RPL18A: variants seen among roughly 807,000 people sequenced by gnomAD.
RPL18A encodes ribosomal protein L18a, also known as large ribosomal subunit protein eL20.
For missense variants in RPL18A, 163 were observed against 254.1 expected (o/e 0.64, Z 2.44); for synonymous variants, 122 against 96.9 (o/e 1.26, Z -1.52).
intron 3 of RPL18A, 85 bp from the exon 4 acceptor site, chr19:17,862,833 A>G: frequency 1.1e-6 from 1 of 890,480 alleles, no homozygotes; most frequent in South Asian, 1.3e-5. Flanking sequence ...AGGATGTGTC[A>G]GGTCATTGGG....
At chr19:17,862,277 C>T in intron 3 of RPL18A, 54 bp downstream of exon 3, 1 of 1,595,302 alleles carries the variant, frequency 6.3e-7, no homozygotes, top group South Asian at 1.1e-5. Context: ...CTCCCTCACA[C>T]TGAGGCAGGG....
intron 2 of RPL18A, 22 bp from the exon 3 acceptor site, chr19:17,862,072 C>A: frequency 6.2e-7 from 1 of 1,610,194 alleles, no homozygotes; most frequent in Non-Finnish European, 8.5e-7. Context: ...TCTCACATCT[C>A]CCTGTGGCCT....
At chr19:17,861,252 C>G in intron 1 of RPL18A, 41 bp from the exon 2 acceptor site, 1 of 1,592,794 alleles carries the variant, frequency 6.3e-7, no homozygotes, top group Non-Finnish European at 8.6e-7. Flanking sequence ...CCACAGTTGC[C>G]TCTGGGTGCT....
chr19:17,862,672 G>A (rs776632629), intron 3 of RPL18A: 8 of 751,076 alleles, frequency 1.1e-5, no homozygotes, highest in Non-Finnish European at 2.0e-5. Context: ...TGTCGCCTTT[G>A]GGGGGCTGTG....
chr19:17,862,819 C>A, intron 3 of RPL18A, 99 bp from the exon 4 acceptor site: 1 of 846,922 alleles, frequency 1.2e-6, no homozygotes, highest in Non-Finnish European at 2.0e-6. Flanking sequence ...TTGCTGTGAC[C>A]AACAGGATGT....
chr19:17,860,862 C>G, intron 1 of RPL18A: 1 of 187,732 alleles, frequency 5.3e-6, no homozygotes, highest in South Asian at 8.4e-5. Flanking sequence ...CTAGTTCTGC[C>G]TGGAATGGGC....
intron 4 of RPL18A, 27 bp from the exon 5 acceptor site, chr19:17,863,144 C>G: frequency 6.3e-7 from 1 of 1,596,512 alleles, no homozygotes; most frequent in Non-Finnish European, 8.6e-7. Flanking sequence ...GCTTCCAACC[C>G]CCTCAACATG....
At chr19:17,862,832 C>A in intron 3 of RPL18A, 86 bp from the exon 4 acceptor site, 1 of 888,924 alleles carries the variant, frequency 1.1e-6, no homozygotes, top group Non-Finnish European at 1.9e-6. Context: ...CAGGATGTGT[C>A]AGGTCATTGG....
chr19:17,862,132 G>T lies in RPL18A; in HGVS notation c.237G>T (p.Gly79=), dbSNP rs78185444. 9.9e-6 allele frequency: 16 copies of T among 1,612,306 alleles called. No individual in the cohort carries two copies. The highest frequency in any genetic ancestry group is 1.3e-5 in the Non-Finnish European group (15 of 1,179,994). The change falls in exon 3 of 5, where the codon GGG becomes GGT. Residue 79 remains glycine (G), a synonymous_variant. Transcript: ENST00000222247. ...EKSPLRVKNF[G]IWLRYDSRSG... ...CCCCCCTGCGGGTGAAGAACTTCGGGATCTGGCTGCGCTATGACTCCCGGA... is the reference window on the plus strand; with the variant it reads ...CCCCCCTGCGGGTGAAGAACTTCGGTATCTGGCTGCGCTATGACTCCCGGA...
At chr19:17,862,611 CTG>C in intron 3 of RPL18A, 1 of 712,502 alleles carries the variant, frequency 1.4e-6, no homozygotes, top group Non-Finnish European at 2.6e-6. Context: ...CCAAGAATCA[CTG>C]TTTCTTATAG....
chr19:17,862,843 G>A (rs2094279962), intron 3 of RPL18A, 75 bp from the exon 4 acceptor site: 1 of 967,444 alleles, frequency 1.0e-6, no homozygotes, highest in Non-Finnish European at 1.7e-6. Context: ...AGGTCATTGG[G>A]CAGGCACTCA....
Position 17,859,927 on chromosome 19 carries a change from G to A in RPL18A, c.-30G>A. 1 of 1,543,508 alleles carries A rather than the reference G, an allele frequency of 6.5e-7. No individual in the cohort carries two copies. Among genetic ancestry groups the A allele is most frequent in the Non-Finnish European group, 8.7e-7 (1 of 1,145,402 alleles). On this transcript the variant is annotated 5_prime_UTR_variant, in exon 1 of 5. Transcript: ENST00000222247. ...TGCGCGACAGAGGACACTTCCTTTTGCGGGTGGCGGCGAACGCGGAGAGCA... is the reference window on the plus strand; with the variant it reads ...TGCGCGACAGAGGACACTTCCTTTTACGGGTGGCGGCGAACGCGGAGAGCA...
chr19:17,860,296 C>T (rs527284249), intron 1 of RPL18A: 5 of 417,960 alleles, frequency 1.2e-5, no homozygotes, highest in South Asian at 8.6e-5. Flanking sequence ...GTTTTCCTTT[C>T]TGCAACGTGG....
At chr19:17,863,143 C>CCCCTCAACATGCCTCCCTTCCTCA in intron 4 of RPL18A, 28 bp from the exon 5 acceptor site, 1 of 1,593,250 alleles carries the variant, frequency 6.3e-7, no homozygotes, top group Non-Finnish European at 8.6e-7. Flanking sequence ...GGCTTCCAAC[C>CCCCTCAACATGCCTCCCTTCCTCA]CCCTCAACAT....
chr19:17,860,568 G>A (rs892298325), intron 1 of RPL18A, among the ~76,000 whole-genome samples: 1 of 152,202 alleles, frequency 6.6e-6, no homozygotes, highest in Non-Finnish European at 1.5e-5. Flanking sequence ...AACGTGTGCC[G>A]AGGCCGGTGG....
chr19:17,861,278 C>G lies in RPL18A; in HGVS notation c.19-15C>G, dbSNP rs756966956. Reference sequence around the variant, plus strand: ...TCTGGGTGCTGGCCTTACCCTCACTCCTGTTTCCTTTCAGCTACGAGAGTA... The same window carrying G: ...TCTGGGTGCTGGCCTTACCCTCACTGCTGTTTCCTTTCAGCTACGAGAGTA... On this transcript the variant is annotated splice_polypyrimidine_tract_variant and intron_variant, in intron 1 of 4. Transcript: ENST00000222247. 2 of 1,613,340 alleles carry G rather than the reference C, an allele frequency of 1.2e-6. No homozygotes were observed. The highest frequency in any genetic ancestry group is 2.7e-5 in the African/African-American group (2 of 74,920).
At position 17,861,350 on chromosome 19, in the gene RPL18A, C is replaced by T; in HGVS notation, c.76C>T (p.Pro26Ser). The T allele has an allele frequency of 6.2e-7, 1 of 1,613,462 alleles. No individual in the cohort carries two copies. Among genetic ancestry groups the T allele is most frequent in the Non-Finnish European group, 8.5e-7 (1 of 1,179,632 alleles). Residue 26 changes from proline to serine, a missense_variant, in exon 2 of 5, where the codon CCC becomes TCC. By Grantham distance (74) the Pro-to-Ser change is moderately conservative. Transcript: ENST00000222247. Reference sequence around the variant, plus strand: ...GCCCACCCCCAAATGCCACACGCCGCCCCTCTACCGCATGCGAATCTTTGC... The same window carrying T: ...GCCCACCCCCAAATGCCACACGCCGTCCCTCTACCGCATGCGAATCTTTGC... Reference protein sequence around the residue: ...CLPTPKCHTPPLYRMRIFAPN... With the variant: ...CLPTPKCHTPSLYRMRIFAPN...
At chr19:17,860,182 G>A in intron 1 of RPL18A, 1 of 525,986 alleles carries the variant, frequency 1.9e-6, no homozygotes, top group Non-Finnish European at 3.3e-6. Flanking sequence ...CCAGCTCAGG[G>A]ATCGCGGGGG....
At chr19:17,860,544 T>A (rs1052209384) in intron 1 of RPL18A, among the ~76,000 whole-genome samples, 1 of 152,214 alleles carries the variant, frequency 6.6e-6, no homozygotes, top group East Asian at 1.9e-4. Flanking sequence ...GCGGGCCCCA[T>A]TGTTCCCTTC....
Sources: allele counts gnomAD v4.1 joint callset (sites outside exome capture counted in the v4.1 genomes callset), GRCh38; gene constraint gnomAD v4.1.1; transcripts MANE v1.5; gene names NCBI Gene and HGNC (gene_info 2026-07-23, HGNC 2026-07-21).